Variants in ASXL2 observed in about 807,000 individuals in gnomAD.
The protein encoded by ASXL2 is putative Polycomb group protein ASXL2.
ASXL2 carries 23 observed loss-of-function variants against 122.0 expected under a neutral mutation model. That is an observed-to-expected ratio of 0.19 (90% CI 0.14 to 0.27). The LOEUF (loss-of-function observed/expected upper bound fraction) is 0.27. ASXL2 is among the 10% of genes least tolerant of loss of function. The pLI, the probability that ASXL2 is intolerant of heterozygous loss-of-function variation, is 1.00. For synonymous variants in ASXL2, 650 were observed against 637.0 expected (o/e 1.02, Z -0.31); for missense variants, 1,518 against 1,713.8 (o/e 0.89, Z 2.02).
chr2:25,768,509 G>T (rs1165512491), intron 7 of ASXL2, among the ~76,000 whole-genome samples: 2 of 152,050 alleles, frequency 1.3e-5, no homozygotes, highest in Admixed American at 1.3e-4. Flanking sequence ...TCACTATTTT[G>T]CCCAGGCTGG....
At chr2:25,841,139 C>G (rs112594587) in intron 2 of ASXL2, among the ~76,000 whole-genome samples, 2 of 151,964 alleles carry the variant, frequency 1.3e-5, no homozygotes, top group African/African-American at 4.8e-5. Context: ...ACAAAAAATA[C>G]GAAAATTAGC....
At chr2:25,872,196 G>C (rs1379383687) in intron 1 of ASXL2, among the ~76,000 whole-genome samples, 1 of 152,042 alleles carries the variant, frequency 6.6e-6, no homozygotes, top group East Asian at 1.9e-4. Flanking sequence ...AGGCTGGGCA[G>C]CATGGCAAAA....
chr2:25,863,165 T>TA (rs1014462235), intron 1 of ASXL2, among the ~76,000 whole-genome samples: 32 of 151,070 alleles, frequency 2.1e-4, no homozygotes, highest in African/African-American at 7.8e-4. Context: ...CCATCTCTAC[T>TA]AAAAAATACA....
At chr2:25,799,562 T>C (rs371794738) in intron 4 of ASXL2, 27 bp from the exon 5 acceptor site, 11 of 1,590,482 alleles carry the variant, frequency 6.9e-6, no homozygotes, top group Non-Finnish European at 7.7e-6. Context: ...CCAATTAGGA[T>C]TAATCATTAC....
intron 5 of ASXL2, among the ~76,000 whole-genome samples, chr2:25,788,592 T>A (rs920592015): frequency 6.6e-6 from 1 of 152,210 alleles, no homozygotes; most frequent in East Asian, 1.9e-4. Context: ...TTTCACATGA[T>A]CACTAGCAGT....
chr2:25,814,934 T>C (rs1049704588), intron 3 of ASXL2, among the ~76,000 whole-genome samples: 8 of 152,172 alleles, frequency 5.3e-5, no homozygotes, highest in Admixed American at 4.6e-4. Flanking sequence ...ATCTGCAAAA[T>C]AGAGGTAATA....
At chr2:25,771,920 G>A (rs2088463137) in intron 5 of ASXL2, among the ~76,000 whole-genome samples, 1 of 152,216 alleles carries the variant, frequency 6.6e-6, no homozygotes, top group Admixed American at 6.5e-5. Flanking sequence ...AGGGCCTTGG[G>A]TTGGCAGTTT....
At chr2:25,823,728 C>CTT (rs35822311) in intron 3 of ASXL2, among the ~76,000 whole-genome samples, 4 of 143,386 alleles carry the variant, frequency 2.8e-5, no homozygotes, top group African/African-American at 5.1e-5. Context: ...GGATTTCTTT[C>CTT]TTTTTTTTTT....
chr2:25,757,674 C>CAAAAAAAAAAAAA (rs60732948), intron 9 of ASXL2, among the ~76,000 whole-genome samples: 11 of 35,830 alleles, frequency 3.1e-4, no homozygotes, highest in African/African-American at 7.4e-4. Context: ...GACTCCATCT[C>CAAAAAAAAAAAAA]AAAAAAAAAA....
chr2:25,815,139 A>G (rs1444916040), intron 3 of ASXL2, among the ~76,000 whole-genome samples: 1 of 152,176 alleles, frequency 6.6e-6, no homozygotes, highest in Non-Finnish European at 1.5e-5. Flanking sequence ...TCCACTCTGA[A>G]GCCAGAGTAA....
chr2:25,835,503 A>C (rs2089499705), intron 3 of ASXL2, 35 bp downstream of exon 3: 1 of 275,282 alleles, frequency 3.6e-6, no homozygotes, highest in Admixed American at 4.0e-5. Flanking sequence ...TTATAATTGC[A>C]TAATACTTCT....
chr2:25,841,263 T>G (rs1192472351), intron 2 of ASXL2, among the ~76,000 whole-genome samples: 1 of 152,166 alleles, frequency 6.6e-6, no homozygotes, highest in Non-Finnish European at 1.5e-5. Flanking sequence ...ACCACTGCAC[T>G]CCAGCCTGGG....
intron 3 of ASXL2, among the ~76,000 whole-genome samples, chr2:25,824,484 C>G (rs1009349061): frequency 6.6e-6 from 1 of 152,072 alleles, no homozygotes; most frequent in African/African-American, 2.4e-5. Flanking sequence ...CACGTACACA[C>G]ACACACACAC....
chr2:25,872,611 T>C (rs2089970599), intron 1 of ASXL2, among the ~76,000 whole-genome samples: 1 of 152,096 alleles, frequency 6.6e-6, no homozygotes, highest in African/African-American at 2.4e-5. Context: ...AAGAAGATAG[T>C]AATACAAATA....
rs939250491 is a variant in ASXL2 at position 25,798,530 on chromosome 2, G to A, written c.403+855C>T. On this transcript the variant is annotated intron_variant, in intron 5 of 12. Coordinates refer to ENST00000435504, the MANE Select transcript of ASXL2 (RefSeq NM_018263.6). ...TGTAATCCCAGCATTTTGGGAGGCC[G>A]AGGCAGGTAGATCACCTGAGGTCAG... 2.6e-5 allele frequency among the ~76,000 whole-genome samples: 4 copies of A among 152,292 alleles called. No homozygotes were observed. In the East Asian group the frequency reaches 5.8e-4, roughly 22 times the overall value.
Position 25,744,347 on chromosome 2 carries a change from C to CT in ASXL2, c.1989dup (p.Ala664SerfsTer43). ...GCCCTCTGTGCTTTGACCAGTTGGGCTTTTGCTTTGATGTCTGCAAGAGTT... is the reference window on the plus strand; with the variant it reads ...GCCCTCTGTGCTTTGACCAGTTGGGCTTTTTGCTTTGATGTCTGCAAGAGTT... On this transcript the variant is annotated frameshift_variant, in exon 13 of 13. Transcript: ENST00000435504. LOFTEE classifies it high-confidence loss of function. This position sits in a 1 kb window ranked among gnomAD's most constrained non-coding sequence, Gnocchi z 4.7. 1 of 1,613,960 alleles carries CT rather than the reference C, an allele frequency of 6.2e-7. No homozygotes were observed. Among genetic ancestry groups the CT allele is most frequent in the Non-Finnish European group, 8.5e-7 (1 of 1,179,886 alleles).
rs34006530 is a variant in ASXL2, at chr2:25,811,055, TACACACACACAC to T, written c.144-4730_144-4719del. 4.2e-3 allele frequency among the ~76,000 whole-genome samples: 491 copies of T among 116,430 alleles called. 7 individuals are homozygous for T. The highest frequency in any genetic ancestry group is 0.015 in the African/African-American group (442 of 30,150). 76.4% of individuals were successfully genotyped at this position (116,430 alleles called of 152,430 possible). A position where few individuals can be genotyped will look rare whatever the true frequency, so the allele number is the denominator to read the frequency against. On this transcript the variant is annotated intron_variant, in intron 3 of 12. Transcript: ENST00000435504. Reference sequence around the variant, plus strand: ...CCTGTCTCTACAAAAAATACAAAAATACACACACACACACACACACACACACACACACACACA... The same window carrying T: ...CCTGTCTCTACAAAAAATACAAAAATACACACACACACACACACACACACA...
intron 5 of ASXL2, among the ~76,000 whole-genome samples, chr2:25,782,429 C>CT (rs2088660100): frequency 6.6e-6 from 1 of 151,880 alleles, no homozygotes; most frequent in Non-Finnish European, 1.5e-5. Flanking sequence ...GCCTGTAATC[C>CT]CAACTACTCA....
chr2:25,833,301 T>A (rs921632694), intron 3 of ASXL2, among the ~76,000 whole-genome samples: 3 of 152,250 alleles, frequency 2.0e-5, no homozygotes, highest in Non-Finnish European at 4.4e-5. Context: ...CAACTGCTTA[T>A]GGCTTACATT....
Sources: gnomAD v4.1 joint callset for allele counts (sites outside exome capture counted in the v4.1 genomes callset) on GRCh38, gnomAD v4.1.1 for gene constraint, Gnocchi (gnomAD v3.1) non-coding constraint, MANE v1.5 for transcripts, NCBI Gene and HGNC (gene_info 2026-07-23, HGNC 2026-07-21) for gene names.